The following CDK8 variants were observed in gnomAD, a reference collection of about 807,000 sequenced individuals.
CDK8 encodes cyclin-dependent kinase 8.
A neutral mutation model predicts 71.5 loss-of-function variants in CDK8; 29 were observed. That is an observed-to-expected ratio of 0.41 (90% CI 0.30 to 0.55). The LOEUF (loss-of-function observed/expected upper bound fraction) is 0.55. Among genes scored for constraint, CDK8 ranks in the 20% least tolerant of loss-of-function variants. The pLI, the probability that CDK8 is intolerant of heterozygous loss-of-function variation, is 0.37. For missense variants in CDK8, 288 were observed against 572.6 expected, an observed-to-expected ratio of 0.50 and a Z score of 5.07; for synonymous variants, 161 against 192.1, an observed-to-expected ratio of 0.84 and a Z score of 1.34.
At chr13:26,323,875 A>G (rs1874904846) in intron 1 of CDK8, among the ~76,000 whole-genome samples, 1 of 152,070 alleles carries the variant, frequency 6.6e-6, no homozygotes, top group African/African-American at 2.4e-5. Flanking sequence ...TACTTTTTGC[A>G]GCTATATGAA....
intron 6 of CDK8, among the ~76,000 whole-genome samples, chr13:26,385,837 A>G (rs574183514): frequency 5.3e-5 from 8 of 152,310 alleles, no homozygotes; most frequent in African/African-American, 1.9e-4. Flanking sequence ...ATCATTCCAC[A>G]TACTTCTCTC....
chr13:26,400,128 T>G (rs1876185134), intron 9 of CDK8: 1 of 221,008 alleles, frequency 4.5e-6, no homozygotes, highest in South Asian at 8.4e-5. Context: ...CTTTTTTATC[T>G]TAATAGAAAA....
At chr13:26,371,188 A>ATCATTATAATGTATT (rs1335557403) in intron 4 of CDK8, among the ~76,000 whole-genome samples, 2 of 152,204 alleles carry the variant, frequency 1.3e-5, no homozygotes, top group Non-Finnish European at 2.9e-5. Flanking sequence ...CATCTTAATT[A>ATCATTATAATGTATT]TCATTATAAT....
intron 1 of CDK8, among the ~76,000 whole-genome samples, chr13:26,306,605 C>G (rs994440955): frequency 6.7e-6 from 1 of 149,460 alleles, no homozygotes; most frequent in African/African-American, 2.5e-5. Flanking sequence ...ACTTCCCTCC[C>G]TTTGCCCCTT....
intron 1 of CDK8, among the ~76,000 whole-genome samples, chr13:26,282,847 A>C (rs1872815959): frequency 7.5e-6 from 1 of 133,382 alleles, no homozygotes; most frequent in African/African-American, 2.6e-5. Flanking sequence ...GACTCACATA[A>C]ACTTAAGGTA....
intron 4 of CDK8, among the ~76,000 whole-genome samples, chr13:26,363,006 T>C (rs1257807884): frequency 6.6e-6 from 1 of 151,784 alleles, no homozygotes; most frequent in Admixed American, 6.6e-5. Context: ...TTTTTTTTTT[T>C]TTAATTTTCA....
intron 1 of CDK8, among the ~76,000 whole-genome samples, chr13:26,304,534 A>T (rs1453433691): frequency 6.6e-6 from 1 of 152,084 alleles, no homozygotes; most frequent in Non-Finnish European, 1.5e-5. Flanking sequence ...AGATTAAAAC[A>T]TGCATTTTTT....
At chr13:26,349,529 C>T (rs545184555) in intron 3 of CDK8, among the ~76,000 whole-genome samples, 90 of 152,162 alleles carry the variant, frequency 5.9e-4, no homozygotes, top group African/African-American at 1.9e-3. Flanking sequence ...CCTTTTATTT[C>T]GTTGTATAAA....
intron 4 of CDK8, among the ~76,000 whole-genome samples, chr13:26,377,665 C>T (rs2138038279): frequency 6.6e-6 from 1 of 151,698 alleles, no homozygotes; most frequent in East Asian, 1.9e-4. Flanking sequence ...AAATTCATAC[C>T]CCTGAAAAAA....
rs2138073821 is a variant in CDK8, at chr13:26,400,469, C to T, written c.950C>T (p.Thr317Ile). 1.2e-6 allele frequency: 2 copies of T among 1,610,968 alleles called. No homozygotes were observed. The highest frequency in any genetic ancestry group is 1.7e-6 in the Non-Finnish European group (2 of 1,177,208). ...TGATTTCAGCTTCAGAAGCTGCTTA[C>T]CATGGACCCAATAAAGCGAATTACC... ...KAFHLLQKLL[T>I]MDPIKRITSE... Residue 317 changes from threonine to isoleucine, a missense_variant, in exon 10 of 13, where the codon ACC becomes ATC. Thr to Ile is a moderately conservative substitution (Grantham distance 89, BLOSUM62 -1). Transcript: ENST00000381527.
chr13:26,404,681 G>C lies in CDK8; in HGVS notation c.*600G>C. ...TACAAAAAGCCACATAGTTTTTCCAGAAAGGTTTCAAAACTCCCAAAGATT... is the reference window on the plus strand; with the variant it reads ...TACAAAAAGCCACATAGTTTTTCCACAAAGGTTTCAAAACTCCCAAAGATT... On this transcript the variant is annotated 3_prime_UTR_variant, in exon 13 of 13. Coordinates refer to ENST00000381527, the MANE Select transcript of CDK8 (RefSeq NM_001260.3). The C allele has an allele frequency of 4.4e-6, 1 of 229,474 alleles. No homozygotes were observed. The highest frequency in any genetic ancestry group is 8.6e-6 in the Non-Finnish European group (1 of 115,844). The allele number at this position is 229,474 out of a possible 1,614,324, so 14.2% of individuals were successfully genotyped here.
intron 1 of CDK8, among the ~76,000 whole-genome samples, chr13:26,262,302 A>G (rs1210893684): frequency 6.6e-6 from 1 of 152,196 alleles, no homozygotes; most frequent in Non-Finnish European, 1.5e-5. Context: ...ATGGGTTAAA[A>G]TTATAGATTT....
intron 4 of CDK8, among the ~76,000 whole-genome samples, chr13:26,354,746 C>T (rs371033538): frequency 5.3e-5 from 8 of 152,164 alleles, no homozygotes; most frequent in East Asian, 1.9e-4. Flanking sequence ...CCTCCCACCC[C>T]GCTCCGTGGA....
intron 1 of CDK8, among the ~76,000 whole-genome samples, chr13:26,330,960 A>T (rs866543880): frequency 6.6e-6 from 1 of 152,212 alleles, no homozygotes. Flanking sequence ...GATACCCAGT[A>T]GTGGGATTGC....
Position 26,398,353 on chromosome 13 carries a change from G to C in CDK8, c.933+1128G>C, listed in dbSNP as rs116412101. Among the ~76,000 whole-genome samples the C allele has an allele frequency of 6.4e-3, 972 of 152,156 alleles. 10 individuals carry two copies. The highest frequency in any genetic ancestry group is 0.021 in the African/African-American group (869 of 41,510). ...CAGAAGATTAGAAGTCATGACTTAG[G>C]GGAATTATTATTCTCCTTGATTCCC... On this transcript the variant is annotated intron_variant, in intron 9 of 12. Coordinates refer to ENST00000381527, the MANE Select transcript of CDK8 (RefSeq NM_001260.3).
chr13:26,307,082 AC>A (rs1329141823), intron 1 of CDK8, among the ~76,000 whole-genome samples: 1 of 152,152 alleles, frequency 6.6e-6, no homozygotes, highest in African/African-American at 2.4e-5. Flanking sequence ...TTTATCCTCT[AC>A]TTGAAGAATA....
intron 1 of CDK8, among the ~76,000 whole-genome samples, chr13:26,325,834 TC>T (rs1565973467): frequency 2.6e-5 from 4 of 152,168 alleles, no homozygotes; most frequent in Admixed American, 6.5e-5. Context: ...AGATCATTGT[TC>T]AATGAAATAC....
intron 1 of CDK8, among the ~76,000 whole-genome samples, chr13:26,255,053 G>T (rs1871458089): frequency 6.6e-6 from 1 of 152,018 alleles, no homozygotes; most frequent in South Asian, 2.1e-4. Flanking sequence ...GCTGATTCAT[G>T]AAAAAATTCG....
chr13:26,361,783 CCTT>C (rs1874149427), intron 4 of CDK8, among the ~76,000 whole-genome samples: 1 of 112,224 alleles, frequency 8.9e-6, no homozygotes, highest in Non-Finnish European at 1.7e-5. Context: ...TTTTCTTTTC[CCTT>C]TTTTTTTTTT....
Sources: allele counts gnomAD v4.1 joint callset (sites outside exome capture counted in the v4.1 genomes callset), GRCh38; gene constraint gnomAD v4.1.1; transcripts MANE v1.5; gene names NCBI Gene and HGNC (gene_info 2026-07-23, HGNC 2026-07-21).